The following XRN1 variants were observed in gnomAD, a reference collection of about 807,000 sequenced individuals.
XRN1 encodes 5'-3' exoribonuclease 1, also known as strand-exchange protein 1 homolog.
A neutral mutation model predicts 222.3 loss-of-function variants in XRN1; 67 were observed. The ratio of observed to expected loss-of-function variants is 0.30; its 90% CI spans 0.25 to 0.37. XRN1 has a LOEUF of 0.37. Ranked by LOEUF, XRN1 falls within the 10% of genes least tolerant of loss-of-function variation. The pLI, the probability that XRN1 is intolerant of heterozygous loss-of-function variation, is 1.00. For synonymous variants in XRN1, 643 were observed against 652.4 expected (o/e 0.99, Z 0.22); for missense variants, 1,707 against 2,000.2 (o/e 0.85, Z 2.80).
At chr3:142,359,012 A>C (rs746885553) in intron 30 of XRN1, among the ~76,000 whole-genome samples, 1 of 152,200 alleles carries the variant, frequency 6.6e-6, no homozygotes, top group African/African-American at 2.4e-5. Flanking sequence ...GGAAGTATGT[A>C]TATATCTTCA....
At chr3:142,424,291 T>C (rs1262439349) in intron 5 of XRN1, among the ~76,000 whole-genome samples, 1 of 152,182 alleles carries the variant, frequency 6.6e-6, no homozygotes, top group Admixed American at 6.5e-5. Flanking sequence ...AGATGGGGTT[T>C]AGCCATGTTG....
chr3:142,430,062 T>C (rs1343180444), intron 2 of XRN1, among the ~76,000 whole-genome samples: 2 of 152,282 alleles, frequency 1.3e-5, no homozygotes, highest in East Asian at 1.9e-4. Flanking sequence ...TTCTTAATTA[T>C]TGGATCACAG....
chr3:142,402,988 T>G (rs1044247262), intron 18 of XRN1, among the ~76,000 whole-genome samples: 14 of 152,068 alleles, frequency 9.2e-5, no homozygotes, highest in Non-Finnish European at 1.9e-4. Context: ...CTTTCCCGCT[T>G]TCTTTGATTT....
chr3:142,432,231 A>ATATATAAAATTTAT (rs2069655683), intron 2 of XRN1, among the ~76,000 whole-genome samples: 2 of 105,402 alleles, frequency 1.9e-5, no homozygotes, highest in African/African-American at 6.8e-5. Context: ...ATAATTAATT[A>ATATATAAAATTTAT]TATATATATA....
chr3:142,332,918 C>T, intron 35 of XRN1, 49 bp downstream of exon 35: 1 of 1,602,482 alleles, frequency 6.2e-7, no homozygotes, highest in Non-Finnish European at 8.5e-7. Flanking sequence ...TCTGCATGGT[C>T]AACAGTCGAG....
chr3:142,348,034 A>G (rs760329604), intron 32 of XRN1, among the ~76,000 whole-genome samples: 10 of 152,072 alleles, frequency 6.6e-5, no homozygotes, highest in Non-Finnish European at 1.0e-4. Context: ...AGATCCCCCT[A>G]GATTTGCTTC....
At chr3:142,325,453 C>T (rs2065489671) in intron 37 of XRN1, among the ~76,000 whole-genome samples, 1 of 151,958 alleles carries the variant, frequency 6.6e-6, no homozygotes, top group Admixed American at 6.6e-5. Context: ...TTGTTTGACA[C>T]ATGGGGGTAT....
At chr3:142,323,079 T>C (rs1476516303) in intron 37 of XRN1, among the ~76,000 whole-genome samples, 2 of 152,134 alleles carry the variant, frequency 1.3e-5, no homozygotes, top group Non-Finnish European at 2.9e-5. Flanking sequence ...CTCAGCCTCC[T>C]GAGTTGTTGG....
In XRN1 at chr3:142,370,474, A is replaced by T; in HGVS notation, c.3204+11T>A. ...ATCTCATCAATAATCTTGGTTACTGAAAGTTAGTACCTTGCACTTTTCGAC... is the reference window on the plus strand; with the variant it reads ...ATCTCATCAATAATCTTGGTTACTGTAAGTTAGTACCTTGCACTTTTCGAC... On this transcript the variant is annotated intron_variant, in intron 27 of 40. Transcript: ENST00000392981. 6.3e-7 allele frequency: 1 copy of T among 1,587,652 alleles called. No homozygotes were observed. The highest frequency in any genetic ancestry group is 8.5e-7 in the Non-Finnish European group (1 of 1,172,462).
intron 33 of XRN1, among the ~76,000 whole-genome samples, chr3:142,344,539 C>A (rs1413733211): frequency 6.6e-6 from 1 of 151,704 alleles, no homozygotes; most frequent in African/African-American, 2.4e-5. Flanking sequence ...TTTGCAGAAG[C>A]CACAAAAAAT....
At chr3:142,379,452 A>C (rs1310116617) in intron 23 of XRN1, among the ~76,000 whole-genome samples, 1 of 152,214 alleles carries the variant, frequency 6.6e-6, no homozygotes, top group African/African-American at 2.4e-5. Context: ...TGGAGATATA[A>C]ATCAGAAAGA....
At chr3:142,395,586 AT>A (rs1321658208) in intron 20 of XRN1, among the ~76,000 whole-genome samples, 17 of 152,132 alleles carry the variant, frequency 1.1e-4, no homozygotes, top group African/African-American at 4.1e-4. Context: ...CAAGTTGTCA[AT>A]TTCTACTGTG....
intron 1 of XRN1, among the ~76,000 whole-genome samples, chr3:142,445,152 T>C (rs1327328882): frequency 1.3e-5 from 2 of 152,158 alleles, no homozygotes; most frequent in Middle Eastern, 3.2e-3. Context: ...TTTTCTCAAA[T>C]GGTATCATTT....
Position 142,447,724 on chromosome 3 carries a change from C to A in XRN1, c.75+146G>T. ...CCCTTTCGGCTCATCCGGGCGTCCT[C>A]AAACCTTCCGTCCCCCTCCCTAATG... On this transcript the variant is annotated intron_variant, in intron 1 of 40. Coordinates refer to ENST00000392981, the MANE Select transcript of XRN1 (RefSeq NM_001282857.2). The surrounding 1 kb of genome is among the most constrained non-coding windows in gnomAD (Gnocchi z 4.2). 5 of 997,486 alleles carry A rather than the reference C, an allele frequency of 5.0e-6. No individual in the cohort carries two copies. The highest frequency in any genetic ancestry group is 7.4e-6 in the Non-Finnish European group (5 of 676,952). The allele number at this position is 997,486 out of a possible 1,614,324, so 61.8% of individuals were successfully genotyped here.
intron 19 of XRN1, among the ~76,000 whole-genome samples, chr3:142,399,678 C>T (rs1038678889): frequency 4.0e-5 from 6 of 151,190 alleles, no homozygotes; most frequent in South Asian, 2.1e-4. Flanking sequence ...GGAAAAAAAC[C>T]GTACTGGCAC....
intron 18 of XRN1, among the ~76,000 whole-genome samples, chr3:142,403,290 T>C (rs1437212142): frequency 6.6e-6 from 1 of 152,176 alleles, no homozygotes; most frequent in Non-Finnish European, 1.5e-5. Flanking sequence ...TTAAAAACAA[T>C]AATATATGAC....
At chr3:142,349,021 T>C (rs2066232447) in intron 32 of XRN1, among the ~76,000 whole-genome samples, 1 of 152,216 alleles carries the variant, frequency 6.6e-6, no homozygotes. Context: ...GGGGTCATCC[T>C]GGCTCACTGC....
chr3:142,361,963 C>CTTTTTTTTTTT (rs71153961), intron 29 of XRN1, among the ~76,000 whole-genome samples: 10 of 51,680 alleles, frequency 1.9e-4, no homozygotes, highest in African/African-American at 3.5e-4. Flanking sequence ...CTTTTTCTCT[C>CTTTTTTTTTTT]TTTTTTTTTT....
rs111426280 is a variant in XRN1 at position 142,347,396 on chromosome 3, C to A, written c.3769-54G>T. ...CAAAATCTTAATATTATAACTACTTCTTATCTTCAACTTTTAATAAATACA... is the reference window on the plus strand; with the variant it reads ...CAAAATCTTAATATTATAACTACTTATTATCTTCAACTTTTAATAAATACA... On this transcript the variant is annotated intron_variant, in intron 32 of 40. Coordinates refer to ENST00000392981, the MANE Select transcript of XRN1 (RefSeq NM_001282857.2). 1,224 of 1,080,616 alleles carry A rather than the reference C, an allele frequency of 1.1e-3. 12 individuals are homozygous for A. The African/African-American group carries it at 0.018, about 16-fold the overall frequency. The allele number at this position is 1,080,616 out of a possible 1,614,324, so 66.9% of individuals were successfully genotyped here.
Sources: gnomAD v4.1 joint callset for allele counts (sites outside exome capture counted in the v4.1 genomes callset) on GRCh38, gnomAD v4.1.1 for gene constraint, Gnocchi (gnomAD v3.1) non-coding constraint, MANE v1.5 for transcripts, NCBI Gene and HGNC (gene_info 2026-07-23, HGNC 2026-07-21) for gene names.